GSE1: variants seen among roughly 807,000 people sequenced by gnomAD.
The protein encoded by GSE1 is Gse1 coiled-coil protein.
GSE1 carries 32 observed loss-of-function variants against 112.6 expected under a neutral mutation model. The observed-to-expected ratio is 0.28, with a 90% confidence interval of 0.21 to 0.38. The LOEUF (loss-of-function observed/expected upper bound fraction) is 0.38, where lower values mean the gene tolerates loss of function less well. Ranked by LOEUF, GSE1 falls within the 10% of genes least tolerant of loss-of-function variation. GSE1 has a pLI of 1.00. For missense variants in GSE1, 2,348 were observed against 1,699.2 expected (o/e 1.38, Z -6.71); for synonymous variants, 1,115 against 735.6 (o/e 1.52, Z -8.35).
intron 1 of GSE1, among the ~76,000 whole-genome samples, chr16:85,339,769 A>T (rs1328760860): frequency 3.9e-5 from 6 of 151,910 alleles, no homozygotes; most frequent in African/African-American, 1.5e-4. Context: ...ATGCCAGGGG[A>T]CGGCGTCTGC....
chr16:85,545,240 A>T (rs1443052485), intron 2 of GSE1, among the ~76,000 whole-genome samples: 1 of 152,196 alleles, frequency 6.6e-6, no homozygotes, highest in Non-Finnish European at 1.5e-5. Context: ...GCATCTCCGT[A>T]GTCATAGGAA....
At chr16:85,559,709 C>CT (rs1324265300) in intron 1 of GSE1, among the ~76,000 whole-genome samples, 4 of 152,208 alleles carry the variant, frequency 2.6e-5, no homozygotes, top group Non-Finnish European at 5.9e-5. Flanking sequence ...TCAATTGAGT[C>CT]TGTTTTCCCA....
chr16:85,589,781 ATG>A (rs1369389113), intron 1 of GSE1, among the ~76,000 whole-genome samples: 11 of 151,842 alleles, frequency 7.2e-5, no homozygotes, highest in South Asian at 2.1e-4. Flanking sequence ...TTGTGAATGT[ATG>A]TGTGAATATG....
At chr16:85,303,944 C>G (rs1284383563) in intron 1 of GSE1, among the ~76,000 whole-genome samples, 2 of 152,216 alleles carry the variant, frequency 1.3e-5, no homozygotes, top group Non-Finnish European at 2.9e-5. Context: ...CCTCCTGCCT[C>G]TGGGCTGCTT....
chr16:85,473,631 A>G (rs1298810179), intron 2 of GSE1, among the ~76,000 whole-genome samples: 2 of 152,166 alleles, frequency 1.3e-5, no homozygotes, highest in Non-Finnish European at 2.9e-5. Flanking sequence ...AAGGACACAC[A>G]TCGTGGGATT....
chr16:85,184,634 A>G (rs1231597148), intron 1 of GSE1, among the ~76,000 whole-genome samples: 1 of 152,202 alleles, frequency 6.6e-6, no homozygotes, highest in African/African-American at 2.4e-5. Context: ...GCTGCACCCC[A>G]CACTTTGTGA....
intron 2 of GSE1, among the ~76,000 whole-genome samples, chr16:85,473,318 G>C (rs1263009945): frequency 6.6e-6 from 1 of 152,214 alleles, no homozygotes; most frequent in Admixed American, 6.5e-5. Flanking sequence ...GTTAGTGCAG[G>C]GGCAGGGCCA....
Position 85,641,854 on chromosome 16 carries a change from G to A in GSE1, c.227-6698G>A, listed in dbSNP as rs9938179. On this transcript the variant is annotated intron_variant, in intron 2 of 15. Coordinates refer to ENST00000253458, the MANE Select transcript of GSE1 (RefSeq NM_014615.5). ...TTCCTGTGGCTCCCGTGGGCCTCCT[G>A]GGCCAAGGGGCTGGACCTCCTCTGG... Among the ~76,000 whole-genome samples the A allele has an allele frequency of 3.3e-4, 51 of 152,332 alleles. No individual in the cohort carries two copies. The South Asian group carries it at 4.3e-3, about 13-fold the overall frequency.
chr16:85,666,379 C>A (rs373430226), intron 13 of GSE1, 32 bp downstream of exon 13: 1 of 1,611,552 alleles, frequency 6.2e-7, no homozygotes, highest in Non-Finnish European at 8.5e-7. Context: ...GCTCAGCTCT[C>A]GGCTGTGGTT....
At chr16:85,275,768 G>A (rs923466307) in intron 1 of GSE1, among the ~76,000 whole-genome samples, 2 of 152,210 alleles carry the variant, frequency 1.3e-5, no homozygotes, top group Non-Finnish European at 2.9e-5. Flanking sequence ...GGGATGAACC[G>A]GGGCGCTGAG....
At chr16:85,561,721 C>A (rs538221880) in intron 1 of GSE1, among the ~76,000 whole-genome samples, 115 of 152,322 alleles carry the variant, frequency 7.5e-4, no homozygotes, top group Admixed American at 1.7e-3. Flanking sequence ...ATATCTCATC[C>A]GGCCTGTCCT....
intron 1 of GSE1, among the ~76,000 whole-genome samples, chr16:85,175,469 A>T (rs1167932532): frequency 6.6e-6 from 1 of 152,196 alleles, no homozygotes; most frequent in Non-Finnish European, 1.5e-5. Flanking sequence ...GATGTTGGGT[A>T]AGACTCTTGC....
intron 1 of GSE1, among the ~76,000 whole-genome samples, chr16:85,209,191 C>G (rs542717055): frequency 8.5e-5 from 13 of 152,186 alleles, no homozygotes; most frequent in Non-Finnish European, 1.6e-4. Context: ...CCTGCAGAAG[C>G]TGCGCAGGAA....
chr16:85,498,380 C>T (rs1280575909), intron 2 of GSE1, among the ~76,000 whole-genome samples: 1 of 152,078 alleles, frequency 6.6e-6, no homozygotes, highest in Non-Finnish European at 1.5e-5. Flanking sequence ...CATATACACA[C>T]ATAGACATGT....
chr16:85,417,329 C>T (rs563286835), intron 2 of GSE1, among the ~76,000 whole-genome samples: 2 of 152,202 alleles, frequency 1.3e-5, no homozygotes, highest in Admixed American at 6.5e-5. Context: ...AGATGTCCCC[C>T]TGGGGGCAAC....
intron 1 of GSE1, among the ~76,000 whole-genome samples, chr16:85,246,037 G>T (rs114320342): frequency 0.015 from 2,339 of 151,712 alleles, 55 homozygotes; most frequent in African/African-American, 0.053. Context: ...GGGGTTGTCT[G>T]CATGTGTTAG....
At chr16:85,414,958 C>T (rs1028590093) in intron 2 of GSE1, among the ~76,000 whole-genome samples, 9 of 152,104 alleles carry the variant, frequency 5.9e-5, no homozygotes, top group African/African-American at 2.2e-4. Context: ...TATTTATTTA[C>T]TTTTGATACA....
At chr16:85,499,295 CTTTTTTTTTTTTTTTTT>C (rs568776401) in intron 2 of GSE1, among the ~76,000 whole-genome samples, 3 of 77,164 alleles carry the variant, frequency 3.9e-5, no homozygotes, top group African/African-American at 1.5e-4. Flanking sequence ...GGAAAGTCAC[CTTTTTTTTTTTTTTTTT>C]TTTTTTTTTT....
chr16:85,613,422 G>C, intron 1 of GSE1, 24 bp downstream of exon 1: 2 of 1,546,982 alleles, frequency 1.3e-6, no homozygotes, highest in South Asian at 1.2e-5. Flanking sequence ...ACCCGGCCGG[G>C]GACGGGGTCC....
Sources: allele counts gnomAD v4.1 joint callset (sites outside exome capture counted in the v4.1 genomes callset), GRCh38; gene constraint gnomAD v4.1.1; transcripts MANE v1.5; gene names NCBI Gene and HGNC (gene_info 2026-07-23, HGNC 2026-07-21).